HELZ: variants seen among roughly 807,000 people sequenced by gnomAD.
HELZ encodes ATP-dependent RNA helicase with zinc finger domain.
Under a neutral mutation model 218.2 loss-of-function variants are expected in HELZ, and 23 were observed. The ratio of observed to expected loss-of-function variants is 0.11; its 90% CI spans 0.08 to 0.15. The LOEUF is 0.15. Ranked by LOEUF, HELZ falls within the 10% of genes least tolerant of loss-of-function variation. The probability of loss-of-function intolerance (pLI) is 1.00; values close to 1 mark genes in which losing one functional copy is unlikely to be tolerated. For synonymous variants in HELZ, 814 were observed against 829.4 expected, an observed-to-expected ratio of 0.98 and a Z score of 0.32; for missense variants, 1,813 against 2,353.7, an observed-to-expected ratio of 0.77 and a Z score of 4.75.
At chr17:67,091,057 A>G (rs146238645) in intron 31 of HELZ, among the ~76,000 whole-genome samples, 1,656 of 152,190 alleles carry the variant, frequency 0.011, 19 homozygotes, top group South Asian at 0.018. Flanking sequence ...ATAAGCTATA[A>G]ATTTCCCTCT....
At chr17:67,239,090 G>A (rs2041258377) in intron 3 of HELZ, among the ~76,000 whole-genome samples, 1 of 152,198 alleles carries the variant, frequency 6.6e-6, no homozygotes, top group African/African-American at 2.4e-5. Context: ...GGAGCACAAA[G>A]TAATCGCCAC....
At chr17:67,111,480 C>A (rs1427059577) in intron 28 of HELZ, among the ~76,000 whole-genome samples, 4 of 152,134 alleles carry the variant, frequency 2.6e-5, no homozygotes, top group Non-Finnish European at 5.9e-5. Flanking sequence ...TCACCCTAGG[C>A]TCTTAAATTA....
rs375631612 is a variant in HELZ, at chr17:67,228,707, C to CATTATT, written c.-18-9891_-18-9886dup. On this transcript the variant is annotated intron_variant, in intron 3 of 32. Transcript: ENST00000358691. ...TGACGAAAGAAAAGCCAAATTGATACATTATTATTATTATTATTATTATTA... is the reference window on the plus strand; with the variant it reads ...TGACGAAAGAAAAGCCAAATTGATACATTATTATTATTATTATTATTATTATTATTA... Among the ~76,000 whole-genome samples the CATTATT allele has an allele frequency of 3.6e-3, 527 of 147,502 alleles. 1 individual carries two copies. Among genetic ancestry groups the CATTATT allele is most frequent in the East Asian group, 8.3e-3 (42 of 5,080 alleles).
chr17:67,233,094 A>G (rs138266199), intron 3 of HELZ, among the ~76,000 whole-genome samples: 25 of 152,384 alleles, frequency 1.6e-4, no homozygotes, highest in African/African-American at 5.8e-4. Flanking sequence ...AGATCGAGCC[A>G]TTGCACTCCA....
intron 21 of HELZ, among the ~76,000 whole-genome samples, chr17:67,143,934 T>G (rs1434489008): frequency 6.6e-6 from 1 of 152,230 alleles, no homozygotes; most frequent in East Asian, 1.9e-4. Context: ...CTTTTTTATT[T>G]AGGTTCATTT....
At chr17:67,117,919 C>T (rs765559734) in intron 27 of HELZ, among the ~76,000 whole-genome samples, 2 of 152,044 alleles carry the variant, frequency 1.3e-5, no homozygotes, top group South Asian at 2.1e-4. Context: ...ATATATACTC[C>T]GTTCAAAGAT....
intron 12 of HELZ, among the ~76,000 whole-genome samples, chr17:67,185,705 G>A (rs1200209304): frequency 1.3e-5 from 2 of 152,030 alleles, no homozygotes; most frequent in African/African-American, 4.8e-5. Context: ...ATTTCACTAT[G>A]TGAAATCATT....
chr17:67,109,702 A>C lies in HELZ; in HGVS notation c.3919-16T>G, dbSNP rs1323128212. The C allele has an allele frequency of 7.6e-6, 12 of 1,583,280 alleles. No homozygotes were observed. The highest frequency in any genetic ancestry group is 5.3e-5 in the Admixed American group (3 of 56,550). ...CCAAATCAACCTAGAAAAAAAGAAG[A>C]AGCCTTTTTTAACTGCAGAAGATTC... On this transcript the variant is annotated splice_polypyrimidine_tract_variant and intron_variant, in intron 28 of 32. Coordinates refer to ENST00000358691, the MANE Select transcript of HELZ (RefSeq NM_014877.4).
At position 67,141,300 on chromosome 17, in the gene HELZ, G is replaced by A. The variant is rs75054982; in HGVS notation, c.2770-3186C>T. 1.2e-3 allele frequency among the ~76,000 whole-genome samples: 182 copies of A among 152,082 alleles called. 1 individual carries two copies. Among genetic ancestry groups the A allele is most frequent in the Non-Finnish European group, 2.3e-3 (157 of 67,982 alleles). ...TAACAACGTAATGTTTGACAGTAAC[G>A]GCACAAAGGAGGTAGGTAAAAAATG... On this transcript the variant is annotated intron_variant, in intron 21 of 32. Coordinates refer to ENST00000358691, the MANE Select transcript of HELZ (RefSeq NM_014877.4).
chr17:67,186,044 GT>G (rs916701131), intron 12 of HELZ, among the ~76,000 whole-genome samples: 1 of 151,992 alleles, frequency 6.6e-6, no homozygotes, highest in Non-Finnish European at 1.5e-5. Context: ...CCTACAATGT[GT>G]TCTCTTGCCA....
intron 3 of HELZ, among the ~76,000 whole-genome samples, chr17:67,222,443 G>C (rs147971281): frequency 6.6e-5 from 10 of 152,278 alleles, no homozygotes; most frequent in African/African-American, 1.9e-4. Flanking sequence ...TATGTAAGTA[G>C]AGATTAAGCG....
intron 17 of HELZ, among the ~76,000 whole-genome samples, chr17:67,157,147 C>T (rs1019905222): frequency 6.6e-6 from 1 of 152,338 alleles, no homozygotes; most frequent in Admixed American, 6.5e-5. Context: ...GATGCCAGCA[C>T]CATGCTTTCT....
chr17:67,079,234 T>G (rs1424793403), intron 32 of HELZ, among the ~76,000 whole-genome samples: 1 of 152,242 alleles, frequency 6.6e-6, no homozygotes, highest in African/African-American at 2.4e-5. Context: ...CTTTTAAAAC[T>G]TTATGTAACA....
intron 31 of HELZ, among the ~76,000 whole-genome samples, chr17:67,095,704 G>A (rs903016980): frequency 1.1e-4 from 16 of 152,164 alleles, no homozygotes; most frequent in African/African-American, 3.9e-4. Context: ...ACCCCTCAAA[G>A]GCATCCATGG....
At chr17:67,221,839 T>A (rs1482831886) in intron 3 of HELZ, among the ~76,000 whole-genome samples, 1 of 150,308 alleles carries the variant, frequency 6.7e-6, no homozygotes, top group Admixed American at 6.6e-5. Context: ...TGCTGTTTTT[T>A]GTGTTTTTTT....
At chr17:67,081,728 G>A (rs547910308) in intron 32 of HELZ, among the ~76,000 whole-genome samples, 2 of 152,268 alleles carry the variant, frequency 1.3e-5, no homozygotes, top group East Asian at 3.9e-4. Context: ...CTAGAAGGAA[G>A]TGTCCCATTG....
At chr17:67,127,911 G>A (rs1375584278) in intron 24 of HELZ, among the ~76,000 whole-genome samples, 2 of 151,310 alleles carry the variant, frequency 1.3e-5, no homozygotes, top group African/African-American at 2.4e-5. Flanking sequence ...ATTCTTATTG[G>A]TAACTTTAAT....
intron 3 of HELZ, among the ~76,000 whole-genome samples, chr17:67,232,434 G>T (rs559515204): frequency 1.7e-4 from 26 of 152,370 alleles, no homozygotes; most frequent in Admixed American, 1.4e-3. Flanking sequence ...TTACAGGCGT[G>T]AGCCCCTGTG....
At chr17:67,101,356 C>A (rs977646659) in intron 31 of HELZ, among the ~76,000 whole-genome samples, 1 of 151,970 alleles carries the variant, frequency 6.6e-6, no homozygotes, top group Non-Finnish European at 1.5e-5. Context: ...CCTCCTCCCC[C>A]ATCCACTCCA....
Sources: gnomAD v4.1 joint callset for allele counts (sites outside exome capture counted in the v4.1 genomes callset) on GRCh38, gnomAD v4.1.1 for gene constraint, MANE v1.5 for transcripts, NCBI Gene and HGNC (gene_info 2026-07-23, HGNC 2026-07-21) for gene names.